PHLPP1: variants seen among roughly 807,000 people sequenced by gnomAD.
PHLPP1 encodes PH domain and leucine rich repeat protein phosphatase 1, also known as PH domain leucine-rich repeat-containing protein phosphatase 1.
A neutral mutation model predicts 117.2 loss-of-function variants in PHLPP1; 42 were observed. The observed-to-expected ratio is 0.36, with a 90% confidence interval of 0.28 to 0.46. The LOEUF (loss-of-function observed/expected upper bound fraction) is 0.46, where lower values mean the gene tolerates loss of function less well. Among genes scored for constraint, PHLPP1 ranks in the 20% least tolerant of loss-of-function variants. The pLI, the probability that PHLPP1 is intolerant of heterozygous loss-of-function variation, is 1.00. For synonymous variants in PHLPP1, 1,042 were observed against 970.7 expected, an observed-to-expected ratio of 1.07 and a Z score of -1.37; for missense variants, 2,084 against 2,241.9, an observed-to-expected ratio of 0.93 and a Z score of 1.42.
intron 1 of PHLPP1, among the ~76,000 whole-genome samples, chr18:62,750,113 A>AC (rs1354578687): frequency 2.0e-5 from 3 of 152,130 alleles, no homozygotes; most frequent in African/African-American, 7.2e-5. Context: ...TAACCTTATC[A>AC]CCCCTCTAAA....
chr18:62,761,345 T>C (rs1299358601), intron 1 of PHLPP1, among the ~76,000 whole-genome samples: 2 of 151,862 alleles, frequency 1.3e-5, no homozygotes, highest in Non-Finnish European at 2.9e-5. Flanking sequence ...TAAGAAATGA[T>C]GGTAGGGCCG....
intron 14 of PHLPP1, among the ~76,000 whole-genome samples, chr18:62,969,840 T>G (rs1911001878): frequency 6.6e-6 from 1 of 152,224 alleles, no homozygotes; most frequent in South Asian, 2.1e-4. Context: ...CCTTTTACTT[T>G]TAACCTATTT....
intron 4 of PHLPP1, among the ~76,000 whole-genome samples, chr18:62,884,938 T>G (rs1395593342): frequency 6.6e-6 from 1 of 152,230 alleles, no homozygotes; most frequent in Non-Finnish European, 1.5e-5. Context: ...GAAAAATTAC[T>G]CAAGACTTAG....
rs73465062 is a variant in PHLPP1, at chr18:62,750,734, A to G, written c.1576+33475A>G. Among the ~76,000 whole-genome samples the G allele has an allele frequency of 4.9e-3, 745 of 150,830 alleles. 11 individuals are homozygous for G. Among genetic ancestry groups the G allele is most frequent in the African/African-American group, 0.017 (714 of 41,132 alleles). On this transcript the variant is annotated intron_variant, in intron 1 of 16. Transcript: ENST00000262719. ...TCCTAGTTGTTTTTTTTTTTTTACA[A>G]GCTACTGGGTTCTCCACTTTCTTCT...
chr18:62,913,720 A>G (rs1319544944), intron 8 of PHLPP1, among the ~76,000 whole-genome samples: 1 of 146,582 alleles, frequency 6.8e-6, no homozygotes, highest in Non-Finnish European at 1.5e-5. Context: ...AGACACCATT[A>G]GTTTAGTTCT....
Position 62,873,143 on chromosome 18 carries a change from T to C in PHLPP1, c.2066+12542T>C, listed in dbSNP as rs138807164. On this transcript the variant is annotated intron_variant, in intron 4 of 16. Transcript: ENST00000262719. The stretch of plus-strand genomic sequence containing the variant: ...GTCCTTCATAAGGGATGATAGAGAG[T>C]TCTTTTATGGTGATATCCTGCCATG... Among the ~76,000 whole-genome samples the C allele has an allele frequency of 4.5e-3, 691 of 151,910 alleles. 4 individuals are homozygous for C. The highest frequency in any genetic ancestry group is 0.017 in the Middle Eastern group (5 of 294).
At position 62,716,393 on chromosome 18, in the gene PHLPP1, T is replaced by C; in HGVS notation, c.710T>C (p.Leu237Pro). 6.7e-7 allele frequency: 1 copy of C among 1,483,392 alleles called. No individual in the cohort carries two copies. The highest frequency in any genetic ancestry group is 8.9e-7 in the Non-Finnish European group (1 of 1,121,620). 91.9% of individuals were successfully genotyped at this position (1,483,392 alleles called of 1,614,324 possible). A position where few individuals can be genotyped will look rare whatever the true frequency, so the allele number is the denominator to read the frequency against. The part of the protein sequence containing the change: ...AGEVAARLLQ[L>P]GHKGGGVVKV... ...GAGGTGGCCGCCCGCCTGCTGCAGC[T>C]GGGCCACAAAGGCGGCGGCGTGGTG... Residue 237 changes from leucine (L) to proline (P), a missense_variant, in exon 1 of 17, where the codon CTG (leucine) becomes CCG (proline). Transcript: ENST00000262719. This position sits in a 1 kb window ranked among gnomAD's most constrained non-coding sequence, Gnocchi z 5.7.
At chr18:62,835,348 C>T (rs1171161293) in intron 2 of PHLPP1, among the ~76,000 whole-genome samples, 3 of 151,774 alleles carry the variant, frequency 2.0e-5, no homozygotes, top group East Asian at 1.9e-4. Context: ...GGACTACAGG[C>T]GCATGCCACC....
intron 14 of PHLPP1, 80 bp downstream of exon 14, chr18:62,963,552 C>A: frequency 1.2e-6 from 1 of 849,532 alleles, no homozygotes; most frequent in Non-Finnish European, 1.9e-6. Context: ...AAACTCAGTG[C>A]TGTAGCACAC....
intron 10 of PHLPP1, among the ~76,000 whole-genome samples, chr18:62,921,606 T>A (rs1054186305): frequency 6.6e-6 from 1 of 152,214 alleles, no homozygotes; most frequent in African/African-American, 2.4e-5. Flanking sequence ...CATCTTACAC[T>A]GTGTCTGGAA....
chr18:62,743,223 A>G (rs1911580901), intron 1 of PHLPP1, among the ~76,000 whole-genome samples: 1 of 152,080 alleles, frequency 6.6e-6, no homozygotes, highest in African/African-American at 2.4e-5. Context: ...TGGTTGTCTT[A>G]ATCCTGTGCA....
At chr18:62,733,882 G>A (rs1001202679) in intron 1 of PHLPP1, among the ~76,000 whole-genome samples, 1 of 152,168 alleles carries the variant, frequency 6.6e-6, no homozygotes. Context: ...CCGAGTTTAG[G>A]ATTAATAGTT....
chr18:62,896,711 T>C (rs1404424380), intron 6 of PHLPP1, among the ~76,000 whole-genome samples: 5 of 152,170 alleles, frequency 3.3e-5, no homozygotes, highest in Non-Finnish European at 7.4e-5. Context: ...GTGATCTTCC[T>C]GCCTCAGCCT....
chr18:62,801,267 T>C (rs1913774365), intron 1 of PHLPP1, among the ~76,000 whole-genome samples: 1 of 151,530 alleles, frequency 6.6e-6, no homozygotes, highest in Non-Finnish European at 1.5e-5. Context: ...GGTCTCAAAC[T>C]CCTGGCCTCA....
chr18:62,946,073 AT>A (rs1469411726), intron 12 of PHLPP1, among the ~76,000 whole-genome samples: 1 of 152,212 alleles, frequency 6.6e-6, no homozygotes. Context: ...CTAGTAATCG[AT>A]TTTATGCTTA....
Position 62,716,775 on chromosome 18 carries a change from C to T in PHLPP1, c.1092C>T (p.Asp364=), listed in dbSNP as rs1172934788. 1 of 1,526,488 alleles carries T rather than the reference C, an allele frequency of 6.6e-7. No individual in the cohort carries two copies. Among genetic ancestry groups the T allele is most frequent in the Admixed American group, 2.0e-5 (1 of 50,164 alleles). The allele number at this position is 1,526,488 out of a possible 1,614,324, so 94.6% of individuals were successfully genotyped here. ...CCGAGAGCGTGTCTGACCGGTTGGA[C>T]CCCTACAGCAGCGGCGGCGGCTCCT... is the stretch of plus-strand genomic sequence containing the variant. The part of the protein sequence containing the change: ...PSAESVSDRL[D]PYSSGGGSSS... The change falls in exon 1 of 17, where the codon GAC becomes GAT. Residue 364 remains aspartate, a synonymous_variant. Coordinates refer to ENST00000262719, the MANE Select transcript of PHLPP1 (RefSeq NM_194449.4). The surrounding 1 kb of genome is among the most constrained non-coding windows in gnomAD (Gnocchi z 5.7).
At chr18:62,954,381 A>C (rs1910554545) in intron 12 of PHLPP1, among the ~76,000 whole-genome samples, 1 of 152,254 alleles carries the variant, frequency 6.6e-6, no homozygotes, top group African/African-American at 2.4e-5. Context: ...ATAGAGGTAC[A>C]TATATTAACA....
intron 1 of PHLPP1, among the ~76,000 whole-genome samples, chr18:62,724,705 C>T (rs933394344): frequency 4.6e-5 from 7 of 152,104 alleles, no homozygotes; most frequent in African/African-American, 9.7e-5. Context: ...CACAGTTAGT[C>T]GTTTCTCTAT....
intron 9 of PHLPP1, among the ~76,000 whole-genome samples, chr18:62,918,205 CAAAAAAAAAAAA>C (rs11317555): frequency 1.1e-4 from 9 of 80,624 alleles, no homozygotes; most frequent in Non-Finnish European, 1.9e-4. Flanking sequence ...GACTCTGTCT[CAAAAAAAAAAAA>C]AAAAAAAAGA....
Sources: allele counts gnomAD v4.1 joint callset (sites outside exome capture counted in the v4.1 genomes callset), GRCh38; gene constraint gnomAD v4.1.1; non-coding constraint Gnocchi (gnomAD v3.1); transcripts MANE v1.5; gene names NCBI Gene and HGNC (gene_info 2026-07-23, HGNC 2026-07-21).